PLEKHG5: variants seen among roughly 807,000 people sequenced by gnomAD.
PLEKHG5 encodes the protein pleckstrin homology domain-containing family G member 5.
A neutral mutation model predicts 103.8 loss-of-function variants in PLEKHG5; 52 were observed. The observed-to-expected ratio is 0.50, with a 90% CI of 0.40 to 0.63. The LOEUF is 0.63. Ranked by LOEUF, PLEKHG5 falls within the 30% of genes least tolerant of loss-of-function variation. The pLI is 0.00. For synonymous variants in PLEKHG5, 592 were observed against 575.5 expected (o/e 1.03, Z -0.41); for missense variants, 1,205 against 1,347.6 (o/e 0.89, Z 1.66).
intron 1 of PLEKHG5, among the ~76,000 whole-genome samples, chr1:6,508,059 C>G (rs780532043): frequency 1.3e-5 from 2 of 152,166 alleles, no homozygotes; most frequent in Non-Finnish European, 2.9e-5. Context: ...TGGTGGGAGC[C>G]ACACCTGGTT....
chr1:6,496,590 G>A, upstream of PLEKHG5: 2 of 1,520,224 alleles, frequency 1.3e-6, no homozygotes, highest in East Asian at 2.4e-5. Flanking sequence ...GGAGCAGAGG[G>A]CATCAGTCAG....
chr1:6,479,321 C>G (rs534992311), intron 1 of PLEKHG5, among the ~76,000 whole-genome samples: 2 of 135,136 alleles, frequency 1.5e-5, no homozygotes, highest in South Asian at 4.7e-4. Flanking sequence ...GAGTCTCGCT[C>G]TGTCGCCCAG....
At chr1:6,475,885 C>G (rs927654318) in intron 3 of PLEKHG5, 46 bp downstream of exon 3, 4 of 1,476,414 alleles carry the variant, frequency 2.7e-6, no homozygotes, top group Admixed American at 1.7e-5. Context: ...GAGACCCAGC[C>G]GTGGGGCCCT....
chr1:6,509,000 G>A (rs543073635), intron 1 of PLEKHG5, among the ~76,000 whole-genome samples: 3 of 152,322 alleles, frequency 2.0e-5, no homozygotes, highest in African/African-American at 7.2e-5. Context: ...GCCTCTCGAA[G>A]TCACTGCTGG....
intron 1 of PLEKHG5, among the ~76,000 whole-genome samples, chr1:6,481,519 G>A (rs917450371): frequency 9.0e-5 from 13 of 144,356 alleles, no homozygotes; most frequent in East Asian, 2.3e-4. Context: ...GCAAAACTCC[G>A]TCTCAAAATA....
At chr1:6,518,817 C>A in intron 1 of PLEKHG5, among the ~76,000 whole-genome samples, 1 of 152,184 alleles carries the variant, frequency 6.6e-6, no homozygotes, top group East Asian at 1.9e-4. Flanking sequence ...GCAAAGCCAA[C>A]CTGCCACCAG....
intron 2 of PLEKHG5, 100 bp from the exon 3 acceptor site, chr1:6,476,136 C>T (rs1644760753): frequency 3.0e-6 from 3 of 993,220 alleles, no homozygotes; most frequent in Non-Finnish European, 3.1e-6. Flanking sequence ...CTGGAACCCC[C>T]AGATTAAAGG....
Position 6,490,664 on chromosome 1 carries a change from G to T in PLEKHG5, c.-88+973C>A, listed in dbSNP as rs920382252. ...CGGGATGTACCAACGGCGCCGCCCG[G>T]CTGGGACCGGGGAGAGGAGGGGTCC... On this transcript the variant is annotated intron_variant, in intron 1 of 20. Coordinates refer to ENST00000377728, the MANE Select transcript of PLEKHG5 (RefSeq NM_020631.6). This position sits in a 1 kb window ranked among gnomAD's most constrained non-coding sequence, Gnocchi z 8.0. 5.6e-5 allele frequency: 53 copies of T among 945,088 alleles called. No homozygotes were observed. Among genetic ancestry groups the T allele is most frequent in the Non-Finnish European group, 6.7e-5 (53 of 793,450 alleles). 58.5% of individuals were successfully genotyped at this position (945,088 alleles called of 1,614,324 possible).
chr1:6,488,536 A>C (rs1645082269), intron 1 of PLEKHG5, among the ~76,000 whole-genome samples: 2 of 152,208 alleles, frequency 1.3e-5, no homozygotes, highest in African/African-American at 4.8e-5. Flanking sequence ...ACCAGAGGTC[A>C]CCTGAGTGCC....
At chr1:6,515,541 A>G (rs1259909365) in intron 1 of PLEKHG5, among the ~76,000 whole-genome samples, 2 of 151,868 alleles carry the variant, frequency 1.3e-5, no homozygotes, top group Admixed American at 6.6e-5. Context: ...AAAAAAATGT[A>G]TGAGGTTGGG....
At chr1:6,469,477 T>C (rs1198670743) in intron 17 of PLEKHG5, 27 bp from the exon 18 acceptor site, 1 of 1,613,534 alleles carries the variant, frequency 6.2e-7, no homozygotes. Flanking sequence ...CAAGTCAGTG[T>C]CAGCAGAGAC....
intron 12 of PLEKHG5, 101 bp downstream of exon 12, chr1:6,471,387 G>T: frequency 7.5e-7 from 1 of 1,336,510 alleles, no homozygotes; most frequent in South Asian, 1.4e-5. Context: ...ACGGGCCTGG[G>T]GGAGGTTGGG....
chr1:6,475,188 A>G, intron 4 of PLEKHG5, 50 bp from the exon 5 acceptor site: 1 of 1,013,742 alleles, frequency 9.9e-7, no homozygotes, highest in Non-Finnish European at 1.6e-6. Context: ...CACCGCCCTC[A>G]TTCCCGCCCT....
rs200366574 is a variant in PLEKHG5, at chr1:6,469,225, A to C, written c.2066T>G (p.Leu689Arg). 5.0e-6 allele frequency: 8 copies of C among 1,613,656 alleles called. No homozygotes were observed. The highest frequency in any genetic ancestry group is 6.8e-6 in the Non-Finnish European group (8 of 1,180,002). Residue 689 changes from leucine to arginine, a missense_variant, in exon 19 of 21, where the codon CTG becomes CGG. Leu to Arg is a moderately radical substitution (Grantham distance 102, BLOSUM62 -2). Transcript: ENST00000377728. ...ACTGCCTGGGGGCTCCTGTGCACGC[A>C]GCTGTTGCAGCTGGTTCTGCAGGCA... ...IYNAQNQLQQ[L>R]RAQEPPGSQQ...
At chr1:6,480,754 T>C (rs1373670410) in intron 1 of PLEKHG5, among the ~76,000 whole-genome samples, 2 of 151,762 alleles carry the variant, frequency 1.3e-5, no homozygotes, top group African/African-American at 4.8e-5. Flanking sequence ...GTTCAAGTGA[T>C]TCTCCTGCCT....
At position 6,470,661 on chromosome 1, in the gene PLEKHG5, A is replaced by G. The variant is rs763663750; in HGVS notation, c.1543-18T>C. 5.1e-6 allele frequency: 8 copies of G among 1,559,836 alleles called. No individual in the cohort carries two copies. Reference sequence around the variant, plus strand: ...GAGCCGATCTAGGGGCAGGTGAGGGAGCTTCAGGTCCAGGGTCATGACGGA... The same window carrying G: ...GAGCCGATCTAGGGGCAGGTGAGGGGGCTTCAGGTCCAGGGTCATGACGGA... On this transcript the variant is annotated intron_variant, in intron 14 of 20. Transcript: ENST00000377728.
At position 6,471,596 on chromosome 1, in the gene PLEKHG5, C is replaced by A. The variant is rs1224927053; in HGVS notation, c.1173G>T (p.Ala391=). Residue 391 remains alanine (A), a synonymous_variant, in exon 12 of 21, where the codon GCG becomes GCT. Transcript: ENST00000377728. Reference sequence around the variant, plus strand: ...TAGCCCACAGCCTGCGGTGCAGCTGCGCGATCTCCGGGATGTTGCTGAACA... The same window carrying A: ...TAGCCCACAGCCTGCGGTGCAGCTGAGCGATCTCCGGGATGTTGCTGAACA... ...ERLFSNIPEI[A]QLHRRLWASV... is the part of the protein sequence containing the mutation. The A allele has an allele frequency of 3.1e-6, 5 of 1,596,234 alleles. No individual in the cohort carries two copies. In the African/African-American group the frequency reaches 4.0e-5, roughly 13 times the overall value.
upstream of PLEKHG5, among the ~76,000 whole-genome samples, chr1:6,492,540 G>C (rs79794148): frequency 0.062 from 9,445 of 152,220 alleles, 299 homozygotes; most frequent in Middle Eastern, 0.071. Context: ...TCAGATCCCA[G>C]GGCAGGTACG....
rs779051638 is a variant in PLEKHG5 at position 6,472,566 on chromosome 1, C to T, written c.1041G>A (p.Thr347=). ...GCAGTTTCCTGATGTAGGAGGCCTC[C>T]GTGTGCAGCAGCTCCCACACCGCCT... The part of the protein sequence containing the change: ...QQEAVWELLH[T]EASYIRKLRV... The change falls in exon 10 of 21, where the codon ACG becomes ACA. Residue 347 remains threonine (T), a synonymous_variant. Coordinates refer to ENST00000377728, the MANE Select transcript of PLEKHG5 (RefSeq NM_020631.6). 3.7e-6 allele frequency: 6 copies of T among 1,613,590 alleles called. No individual in the cohort carries two copies. Among genetic ancestry groups the T allele is most frequent in the South Asian group, 2.2e-5 (2 of 91,038 alleles).
Sources: allele counts gnomAD v4.1 joint callset (sites outside exome capture counted in the v4.1 genomes callset), GRCh38; gene constraint gnomAD v4.1.1; non-coding constraint Gnocchi (gnomAD v3.1); transcripts MANE v1.5; gene names NCBI Gene and HGNC (gene_info 2026-07-23, HGNC 2026-07-21).